The following TAMM41 variants were observed in gnomAD, a reference collection of about 807,000 sequenced individuals.
TAMM41 encodes the protein phosphatidate cytidylyltransferase, mitochondrial.
A neutral mutation model predicts 44.1 loss-of-function variants in TAMM41; 36 were observed. The ratio of observed to expected loss-of-function variants is 0.82; its 90% CI spans 0.63 to 1.08. TAMM41 has a LOEUF of 1.08. TAMM41 is among the 50% of genes least tolerant of loss of function. The pLI, the probability that TAMM41 is intolerant of heterozygous loss-of-function variation, is 0.00. For missense variants in TAMM41, 417 were observed against 404.3 expected, an observed-to-expected ratio of 1.03 and a Z score of -0.27; for synonymous variants, 164 against 153.1, an observed-to-expected ratio of 1.07 and a Z score of -0.53.
At chr3:11,737,933 C>G in the TAMM41 span, among the ~76,000 whole-genome samples, 1 of 152,182 alleles carries the variant, frequency 6.6e-6, no homozygotes, top group African/African-American at 2.4e-5. Context: ...CTTCTCCATT[C>G]AAACCACTGT....
chr3:11,761,913 C>A, the TAMM41 span, among the ~76,000 whole-genome samples: 1 of 144,570 alleles, frequency 6.9e-6, no homozygotes, highest in Non-Finnish European at 1.5e-5. Context: ...CGCCATCGCA[C>A]TCCAGCCTGG....
chr3:11,815,719 G>A (rs534645807), intron 5 of TAMM41, among the ~76,000 whole-genome samples: 1 of 148,040 alleles, frequency 6.8e-6, no homozygotes, highest in South Asian at 2.1e-4. Flanking sequence ...ATGGGGTAGT[G>A]TAAGACGGTA....
At chr3:11,840,715 A>G (rs2079398173) in intron 2 of TAMM41, among the ~76,000 whole-genome samples, 2 of 151,776 alleles carry the variant, frequency 1.3e-5, no homozygotes, top group African/African-American at 4.8e-5. Flanking sequence ...GATTGGGAGT[A>G]AAAAAAACTT....
At chr3:11,779,002 T>C in the TAMM41 span, among the ~76,000 whole-genome samples, 8 of 152,240 alleles carry the variant, frequency 5.3e-5, no homozygotes, top group Non-Finnish European at 1.0e-4. Context: ...ATGCCCAACG[T>C]TGGAAATGGG....
rs2079327360 is a variant in TAMM41 at position 11,839,296 on chromosome 3, T to TG, written c.336_337insC (p.Ile113HisfsTer2). 1 of 1,611,756 alleles carries TG rather than the reference T, an allele frequency of 6.2e-7. No individual in the cohort carries two copies. Among genetic ancestry groups the TG allele is most frequent in the Non-Finnish European group, 8.5e-7 (1 of 1,178,260 alleles). ...TCTTCAATCAGAACGTTAGTGCTAA[T>TG]AACTCCATATTTGATAAGCTGAAGG... On this transcript the variant is annotated frameshift_variant, in exon 3 of 8. Coordinates refer to ENST00000455809, the MANE Select transcript of TAMM41 (RefSeq NM_001284401.2). LOFTEE classifies it high-confidence loss of function.
chr3:11,807,685 T>C (rs1481811639), intron 7 of TAMM41, 148 bp downstream of exon 7: 4 of 1,536,348 alleles, frequency 2.6e-6, no homozygotes, highest in Middle Eastern at 1.7e-4. Context: ...TATGCCTGTT[T>C]GTACCTTACT....
chr3:11,788,652 T>C (rs562209957), downstream of TAMM41, among the ~76,000 whole-genome samples: 51 of 152,152 alleles, frequency 3.4e-4, no homozygotes, highest in African/African-American at 7.5e-4. Flanking sequence ...AAGAAAATAA[T>C]AGGCCAAGCA....
At chr3:11,745,386 T>C in the TAMM41 span, among the ~76,000 whole-genome samples, 1 of 152,154 alleles carries the variant, frequency 6.6e-6, no homozygotes, top group Non-Finnish European at 1.5e-5. Context: ...TCCATGCTCA[T>C]AGAAGCATTA....
the TAMM41 span, among the ~76,000 whole-genome samples, chr3:11,740,003 T>A: frequency 6.6e-6 from 1 of 152,138 alleles, no homozygotes; most frequent in Non-Finnish European, 1.5e-5. Flanking sequence ...TTATTTCTGT[T>A]ACAAGAGGAA....
chr3:11,746,960 C>A, the TAMM41 span, among the ~76,000 whole-genome samples: 3 of 151,944 alleles, frequency 2.0e-5, no homozygotes, highest in Admixed American at 2.0e-4. Context: ...CCATCTATAT[C>A]TAGAAATTCT....
the TAMM41 span, among the ~76,000 whole-genome samples, chr3:11,760,435 T>C: frequency 6.6e-6 from 1 of 152,246 alleles, no homozygotes; most frequent in African/African-American, 2.4e-5. Context: ...TTTGCTTGTT[T>C]TTCTAATTTC....
At chr3:11,775,197 C>T in the TAMM41 span, among the ~76,000 whole-genome samples, 6 of 113,788 alleles carry the variant, frequency 5.3e-5, no homozygotes, top group Admixed American at 1.0e-4. Context: ...TATTTTTGTA[C>T]AGGCATTTTT....
At chr3:11,747,323 A>G in the TAMM41 span, among the ~76,000 whole-genome samples, 1 of 152,270 alleles carries the variant, frequency 6.6e-6, no homozygotes, top group East Asian at 1.9e-4. Flanking sequence ...TGGCCTCCCA[A>G]CGTGCTGGGA....
At chr3:11,808,181 C>T (rs1421336886) in intron 6 of TAMM41, 2 of 1,022,302 alleles carry the variant, frequency 2.0e-6, no homozygotes, top group Non-Finnish European at 2.5e-6. Context: ...AGCTGACCCT[C>T]AAAGGGCATT....
At chr3:11,728,784 G>A in the TAMM41 span, among the ~76,000 whole-genome samples, 9 of 152,058 alleles carry the variant, frequency 5.9e-5, no homozygotes, top group Non-Finnish European at 1.0e-4. Context: ...CGAGGCGGGC[G>A]GATCACCTGA....
rs549862247 is a variant in TAMM41, at chr3:11,833,966, G to C, written c.412-4102C>G. On this transcript the variant is annotated intron_variant, in intron 3 of 7. Coordinates refer to ENST00000455809, the MANE Select transcript of TAMM41 (RefSeq NM_001284401.2). ...AAAGCTGTTATTAAAAAATAGGCCA[G>C]ACAAGGGGGCTCATGCCTGTAATCC... is the stretch of plus-strand genomic sequence containing the variant. Among the ~76,000 whole-genome samples, 57 of 152,314 alleles carry C rather than the reference G, an allele frequency of 3.7e-4. 1 individual carries two copies. The South Asian group carries it at 6.0e-3, about 16-fold the overall frequency.
intron 4 of TAMM41, among the ~76,000 whole-genome samples, chr3:11,818,447 A>C (rs769766944): frequency 8.5e-5 from 13 of 152,218 alleles, no homozygotes; most frequent in Non-Finnish European, 1.8e-4. Context: ...TCCTAGTGCA[A>C]ACTGTTGGCT....
chr3:11,738,250 G>A, the TAMM41 span, among the ~76,000 whole-genome samples: 16 of 152,240 alleles, frequency 1.1e-4, no homozygotes, highest in East Asian at 1.9e-4. Flanking sequence ...AGCATAAGCC[G>A]TGGAGTTAAA....
the TAMM41 span, among the ~76,000 whole-genome samples, chr3:11,724,297 T>A: frequency 6.6e-6 from 1 of 151,746 alleles, no homozygotes; most frequent in East Asian, 1.9e-4. Flanking sequence ...GAGATGGGGT[T>A]TTACCATGTT....
Sources: allele counts gnomAD v4.1 joint callset (sites outside exome capture counted in the v4.1 genomes callset), GRCh38; gene constraint gnomAD v4.1.1; transcripts MANE v1.5; gene names NCBI Gene and HGNC (gene_info 2026-07-23, HGNC 2026-07-21).